ATXN7L1: variants seen among roughly 807,000 people sequenced by gnomAD.
The protein encoded by ATXN7L1 is ataxin 7 like 1.
A neutral mutation model predicts 70.8 loss-of-function variants in ATXN7L1; 15 were observed. That is an observed-to-expected ratio of 0.21 (90% CI 0.14 to 0.33). The LOEUF is 0.33. ATXN7L1 is among the 10% of genes least tolerant of loss of function. The probability of loss-of-function intolerance (pLI) is 1.00; values close to 1 mark genes in which losing one functional copy is unlikely to be tolerated. For synonymous variants in ATXN7L1, 440 were observed against 445.1 expected (o/e 0.99, Z 0.14); for missense variants, 975 against 1,097.1 (o/e 0.89, Z 1.57).
At chr7:105,717,356 G>A (rs562634075) in intron 3 of ATXN7L1, among the ~76,000 whole-genome samples, 5 of 152,150 alleles carry the variant, frequency 3.3e-5, no homozygotes, top group East Asian at 1.9e-4. Context: ...TTGAACTCCC[G>A]ACCTCGTGAT....
intron 4 of ATXN7L1, among the ~76,000 whole-genome samples, chr7:105,644,083 C>T (rs940681737): frequency 1.3e-5 from 2 of 152,096 alleles, no homozygotes; most frequent in African/African-American, 4.8e-5. Flanking sequence ...GAGAGTGAAG[C>T]CTACTTAGCT....
At chr7:105,867,647 A>G (rs1817676744) in intron 2 of ATXN7L1, among the ~76,000 whole-genome samples, 1 of 152,244 alleles carries the variant, frequency 6.6e-6, no homozygotes, top group Non-Finnish European at 1.5e-5. Flanking sequence ...TAGTCACAGT[A>G]CAGGTATATC....
chr7:105,697,385 A>T (rs1019969572), intron 3 of ATXN7L1, among the ~76,000 whole-genome samples: 3 of 152,200 alleles, frequency 2.0e-5, no homozygotes, highest in Non-Finnish European at 4.4e-5. Context: ...TGCTGAGAAA[A>T]AGAATTCAGC....
intron 7 of ATXN7L1, among the ~76,000 whole-genome samples, chr7:105,628,487 A>G (rs1796073822): frequency 1.3e-5 from 2 of 152,022 alleles, no homozygotes; most frequent in South Asian, 4.2e-4. Flanking sequence ...TTACACTTAT[A>G]ATACATAAAT....
chr7:105,735,517 A>G (rs1797280407), intron 3 of ATXN7L1, among the ~76,000 whole-genome samples: 1 of 152,218 alleles, frequency 6.6e-6, no homozygotes, highest in Non-Finnish European at 1.5e-5. Flanking sequence ...GACTGGACCC[A>G]ACATTCTCCC....
intron 8 of ATXN7L1, among the ~76,000 whole-genome samples, chr7:105,622,025 G>C (rs922208243): frequency 9.2e-5 from 14 of 152,196 alleles, no homozygotes; most frequent in African/African-American, 3.4e-4. Flanking sequence ...TTCCGACATA[G>C]AAGCTGGTCC....
At position 105,624,177 on chromosome 7, in the gene ATXN7L1, G is replaced by A; in HGVS notation, c.1293C>T (p.Asp431=). 6.5e-7 allele frequency: 1 copy of A among 1,532,852 alleles called. No individual in the cohort carries two copies. Among genetic ancestry groups the A allele is most frequent in the South Asian group, 1.2e-5 (1 of 81,484 alleles). 95.0% of individuals were successfully genotyped at this position (1,532,852 alleles called of 1,614,324 possible). A position where few individuals can be genotyped will look rare whatever the true frequency, so the allele number is the denominator to read the frequency against. Reference sequence around the variant, plus strand: ...CATCACTGGACAGTCGGCTGGCGAGGTCACCTCCAACCGGTGGGAGTGGGG... The same window carrying A: ...CATCACTGGACAGTCGGCTGGCGAGATCACCTCCAACCGGTGGGAGTGGGG... ...PEPPLPPVGG[D]LASRLSSDEG... is the part of the protein sequence containing the mutation. The change falls in exon 8 of 12, where the codon GAC becomes GAT. Residue 431 remains aspartate (D), a synonymous_variant. Coordinates refer to ENST00000419735, the MANE Select transcript of ATXN7L1 (RefSeq NM_020725.2).
At chr7:105,729,421 T>C (rs1796271828) in intron 3 of ATXN7L1, among the ~76,000 whole-genome samples, 1 of 136,976 alleles carries the variant, frequency 7.3e-6, no homozygotes, top group African/African-American at 2.8e-5. Context: ...GAAGCATAAA[T>C]CCCTACTTCT....
At chr7:105,766,769 T>C (rs1413398190) in intron 3 of ATXN7L1, among the ~76,000 whole-genome samples, 1 of 152,124 alleles carries the variant, frequency 6.6e-6, no homozygotes, top group Non-Finnish European at 1.5e-5. Flanking sequence ...TGGAAGAGAA[T>C]CAAAAGATGA....
intron 2 of ATXN7L1, among the ~76,000 whole-genome samples, chr7:105,817,444 C>T (rs1809354372): frequency 6.6e-6 from 1 of 152,186 alleles, no homozygotes; most frequent in South Asian, 2.1e-4. Flanking sequence ...GAGAATATTC[C>T]TATTCTTAGG....
intron 3 of ATXN7L1, among the ~76,000 whole-genome samples, chr7:105,692,205 C>T (rs542015294): frequency 2.0e-5 from 3 of 152,138 alleles, no homozygotes; most frequent in African/African-American, 7.2e-5. Context: ...CGGTTATTAG[C>T]AGAAGGAACT....
chr7:105,619,140 G>GTTTGTTTTTTTT (rs1794380215), intron 9 of ATXN7L1, among the ~76,000 whole-genome samples: 1 of 49,846 alleles, frequency 2.0e-5, no homozygotes, highest in Non-Finnish European at 3.3e-5. Context: ...GAAATCTTTA[G>GTTTGTTTTTTTT]TTTTTTTTTT....
At chr7:105,690,329 A>G (rs1790608122) in intron 3 of ATXN7L1, among the ~76,000 whole-genome samples, 1 of 152,210 alleles carries the variant, frequency 6.6e-6, no homozygotes, top group Admixed American at 6.5e-5. Context: ...TATGAATGAG[A>G]GAAACATGGA....
intron 9 of ATXN7L1, among the ~76,000 whole-genome samples, chr7:105,618,775 G>A (rs140553301): frequency 6.6e-6 from 1 of 152,170 alleles, no homozygotes; most frequent in African/African-American, 2.4e-5. Flanking sequence ...TTGTAGGAGT[G>A]GGGGATGGGG....
chr7:105,834,039 T>C (rs1390366607), intron 2 of ATXN7L1, among the ~76,000 whole-genome samples: 1 of 152,132 alleles, frequency 6.6e-6, no homozygotes, highest in Non-Finnish European at 1.5e-5. Context: ...GTCTTTGTTT[T>C]GTTTATTATT....
chr7:105,776,943 T>C (rs1050696415), intron 3 of ATXN7L1, among the ~76,000 whole-genome samples: 2 of 152,164 alleles, frequency 1.3e-5, no homozygotes, highest in African/African-American at 4.8e-5. Context: ...ATAACTTTTG[T>C]ATTTTTAGTA....
intron 11 of ATXN7L1, among the ~76,000 whole-genome samples, chr7:105,610,294 G>C (rs2115705943): frequency 6.6e-6 from 1 of 152,310 alleles, no homozygotes; most frequent in African/African-American, 2.4e-5. Context: ...AGCCATAAAA[G>C]GTAGGGGCCA....
chr7:105,704,286 A>C (rs1447900387), intron 3 of ATXN7L1, among the ~76,000 whole-genome samples: 1 of 152,224 alleles, frequency 6.6e-6, no homozygotes, highest in Non-Finnish European at 1.5e-5. Flanking sequence ...TGCCCACAGG[A>C]AATGTGTAAT....
chr7:105,679,381 G>A (rs751938661), intron 3 of ATXN7L1, among the ~76,000 whole-genome samples: 2 of 152,122 alleles, frequency 1.3e-5, no homozygotes, highest in Non-Finnish European at 2.9e-5. Context: ...CCGCAGCCCT[G>A]GAGCTGCTGT....
Sources: gnomAD v4.1 joint callset for allele counts (sites outside exome capture counted in the v4.1 genomes callset) on GRCh38, gnomAD v4.1.1 for gene constraint, MANE v1.5 for transcripts, NCBI Gene and HGNC (gene_info 2026-07-23, HGNC 2026-07-21) for gene names.